BIN2: variants seen among roughly 807,000 people sequenced by gnomAD.
The protein encoded by BIN2 is breast cancer associated protein BRAP1.
In BIN2, 43 loss-of-function variants were observed where a neutral mutation model predicts 67.9. The ratio of observed to expected loss-of-function variants is 0.63; its 90% CI spans 0.50 to 0.82. BIN2 has a LOEUF of 0.82. Ranked by LOEUF, BIN2 falls within the 40% of genes least tolerant of loss-of-function variation. The pLI is 0.00. For synonymous variants in BIN2, 244 were observed against 246.8 expected (o/e 0.99, Z 0.11); for missense variants, 581 against 671.6 (o/e 0.87, Z 1.49).
chr12:51,303,786 A>G (rs1945795713), intron 2 of BIN2, among the ~76,000 whole-genome samples: 1 of 152,200 alleles, frequency 6.6e-6, no homozygotes. Context: ...AAGGAGAGGA[A>G]GGTATTATTT....
intron 9 of BIN2, 22 bp downstream of exon 9, chr12:51,295,774 A>G: frequency 6.2e-7 from 1 of 1,608,508 alleles, no homozygotes; most frequent in Non-Finnish European, 8.5e-7. Context: ...AGCGAAGCAA[A>G]AAAGTCTTGG....
chr12:51,299,393 G>T, intron 6 of BIN2, 105 bp from the exon 7 acceptor site: 1 of 1,159,210 alleles, frequency 8.6e-7, no homozygotes, highest in South Asian at 1.3e-5. Context: ...CTTTTTAGGA[G>T]CCATCCCTCT....
At chr12:51,319,225 CCCCAAAAGGCTCAAG>C (rs1946206671) in intron 1 of BIN2, among the ~76,000 whole-genome samples, 1 of 152,220 alleles carries the variant, frequency 6.6e-6, no homozygotes, top group Non-Finnish European at 1.5e-5. Context: ...TCTCCCCAAT[CCCCAAAAGGCTCAAG>C]GCCAAAAGGC....
At chr12:51,292,417 G>A (rs1444623218) in intron 9 of BIN2, 73 bp from the exon 10 acceptor site, 7 of 1,399,484 alleles carry the variant, frequency 5.0e-6, no homozygotes, top group East Asian at 2.3e-5. Flanking sequence ...AACTTACGAT[G>A]CATGTAATAA....
In BIN2 at chr12:51,289,822, C is replaced by T. The variant is rs369564805; in HGVS notation, c.1516-1634G>A. On this transcript the variant is annotated intron_variant, in intron 10 of 12. Transcript: ENST00000615107. ...ATAAGCTCAAGCAATCCTCCTGTCT[C>T]AGCCTCCCAAGTAAGGAGCAGCCTT... Among the ~76,000 whole-genome samples the T allele has an allele frequency of 9.9e-5, 15 of 151,838 alleles. 1 individual carries two copies. The East Asian group carries it at 2.7e-3, about 28-fold the overall frequency.
intron 12 of BIN2, among the ~76,000 whole-genome samples, chr12:51,283,289 G>C (rs1226654600): frequency 6.7e-6 from 1 of 148,422 alleles, no homozygotes; most frequent in Non-Finnish European, 1.5e-5. Flanking sequence ...AAAAAGTTCT[G>C]CTTATTTAAA....
intron 7 of BIN2, 197 bp from the exon 8 acceptor site, chr12:51,297,361 G>C: frequency 2.1e-6 from 1 of 485,568 alleles, no homozygotes; most frequent in Non-Finnish European, 3.7e-6. Context: ...GAAGTCAGGA[G>C]ATCAAGACCA....
chr12:51,292,907 T>C (rs1223875226), intron 9 of BIN2, among the ~76,000 whole-genome samples: 3 of 152,188 alleles, frequency 2.0e-5, no homozygotes, highest in African/African-American at 7.2e-5. Context: ...CCCCAAGCTG[T>C]AGTGCTAAGT....
At chr12:51,314,201 C>T (rs886087941) in intron 1 of BIN2, among the ~76,000 whole-genome samples, 2 of 151,956 alleles carry the variant, frequency 1.3e-5, no homozygotes, top group Non-Finnish European at 2.9e-5. Flanking sequence ...GCGTGTACCA[C>T]CACGCCCAGC....
chr12:51,307,491 C>T lies in BIN2; in HGVS notation c.163-4350G>A, dbSNP rs368556403. On this transcript the variant is annotated intron_variant, in intron 2 of 12. Transcript: ENST00000615107. ...TGGGAGGCCGAGGCAGGTAGATCAC[C>T]TGAGGTCAGGAGTTCAAGACCAGCC... Among the ~76,000 whole-genome samples, 23 of 151,316 alleles carry T rather than the reference C, an allele frequency of 1.5e-4. No individual in the cohort carries two copies. In the East Asian group the frequency reaches 3.7e-3, roughly 25 times the overall value.
intron 9 of BIN2, among the ~76,000 whole-genome samples, 195 bp downstream of exon 9, chr12:51,295,574 AAAAATATATATATATATATATATATAT>A (rs1305396519): frequency 1.8e-4 from 3 of 16,612 alleles, no homozygotes; most frequent in African/African-American, 5.3e-4. Flanking sequence ...AAAAAAAAAA[AAAAATATATATATATATATATATATAT>A]ATATATATAT....
intron 9 of BIN2, 91 bp from the exon 10 acceptor site, chr12:51,292,435 A>G: frequency 7.5e-7 from 1 of 1,335,102 alleles, no homozygotes; most frequent in South Asian, 1.5e-5. Context: ...TAAAAAAAAG[A>G]ATAAAGCAAT....
At chr12:51,295,767 G>A (rs374431646) in intron 9 of BIN2, 29 bp downstream of exon 9, 154 of 1,599,838 alleles carry the variant, frequency 9.6e-5, no homozygotes, top group Non-Finnish European at 1.2e-4. Context: ...CAGGACAAGC[G>A]AAGCAAAAAA....
chr12:51,305,623 CAA>C (rs201641166), intron 2 of BIN2, among the ~76,000 whole-genome samples: 12 of 119,016 alleles, frequency 1.0e-4, no homozygotes, highest in Admixed American at 8.9e-5. Context: ...AACTCCATCT[CAA>C]AAAAAAAAAA....
At chr12:51,301,287 T>C (rs753258387) in intron 5 of BIN2, among the ~76,000 whole-genome samples, 11 of 152,090 alleles carry the variant, frequency 7.2e-5, no homozygotes, top group Non-Finnish European at 1.3e-4. Context: ...TAATTCTGCT[T>C]TCTGGAACAG....
At chr12:51,299,499 C>T in intron 6 of BIN2, 108 bp downstream of exon 6, 1 of 1,099,350 alleles carries the variant, frequency 9.1e-7, no homozygotes, top group South Asian at 1.3e-5. Context: ...ACACTGGATG[C>T]TGAATTTATA....
chr12:51,285,711 C>T (rs1945221217), intron 11 of BIN2, among the ~76,000 whole-genome samples: 1 of 150,844 alleles, frequency 6.6e-6, no homozygotes, highest in Non-Finnish European at 1.5e-5. Flanking sequence ...GCAACCTCCA[C>T]CTCCCAGGTT....
At chr12:51,292,533 C>T (rs1414833035) in intron 9 of BIN2, among the ~76,000 whole-genome samples, 189 bp from the exon 10 acceptor site, 1 of 152,108 alleles carries the variant, frequency 6.6e-6, no homozygotes, top group Non-Finnish European at 1.5e-5. Context: ...ATCATGAACT[C>T]AATTATGTAA....
At chr12:51,312,543 G>C (rs1157354754) in intron 2 of BIN2, among the ~76,000 whole-genome samples, 1 of 152,064 alleles carries the variant, frequency 6.6e-6, no homozygotes, top group African/African-American at 2.4e-5. Context: ...TTAGGTTGCC[G>C]AATGAAATGA....
Sources: allele counts gnomAD v4.1 joint callset (sites outside exome capture counted in the v4.1 genomes callset), GRCh38; gene constraint gnomAD v4.1.1; transcripts MANE v1.5; gene names NCBI Gene and HGNC (gene_info 2026-07-23, HGNC 2026-07-21).